WLS: variants seen among roughly 807,000 people sequenced by gnomAD.
WLS encodes the protein Wnt ligand secretion mediator.
A neutral mutation model predicts 62.8 loss-of-function variants in WLS; 23 were observed. The ratio of observed to expected loss-of-function variants is 0.37; its 90% CI spans 0.26 to 0.52. WLS has a LOEUF of 0.52. Among genes scored for constraint, WLS ranks in the 20% least tolerant of loss-of-function variants. The probability of loss-of-function intolerance (pLI) is 0.92; values close to 1 mark genes in which losing one functional copy is unlikely to be tolerated. For missense variants in WLS, 615 were observed against 697.3 expected (o/e 0.88, Z 1.33); for synonymous variants, 246 against 244.1 (o/e 1.01, Z -0.07).
chr1:68,118,644 G>C (rs2100351166), intron 11 of WLS, among the ~76,000 whole-genome samples: 1 of 151,688 alleles, frequency 6.6e-6, no homozygotes, highest in South Asian at 2.1e-4. Context: ...GGGAAGCCAA[G>C]ACGGGCAAAT....
intron 1 of WLS, among the ~76,000 whole-genome samples, chr1:68,212,341 T>C (rs1177838155): frequency 6.6e-6 from 1 of 152,244 alleles, no homozygotes. Flanking sequence ...TTATGGGTAC[T>C]TGTAAACCTT....
At chr1:68,232,535 C>A (rs1650481646), upstream of WLS, 2 of 680,850 alleles carry the variant, frequency 2.9e-6, no homozygotes, top group Non-Finnish European at 4.5e-6. Flanking sequence ...GCCGCTCCGC[C>A]GCCTGTGGAC....
intron 11 of WLS, among the ~76,000 whole-genome samples, chr1:68,127,949 C>G (rs1226875768): frequency 3.3e-5 from 5 of 152,138 alleles, no homozygotes; most frequent in Admixed American, 2.0e-4. Flanking sequence ...CATCGTAGAC[C>G]CATTTCTCTG....
intron 11 of WLS, among the ~76,000 whole-genome samples, chr1:68,115,828 T>G (rs778302938): frequency 6.6e-6 from 1 of 152,196 alleles, no homozygotes; most frequent in African/African-American, 2.4e-5. Flanking sequence ...TTTTTTGTTT[T>G]AAATTAACAA....
chr1:68,125,336 G>A, downstream of WLS: 5 of 985,402 alleles, frequency 5.1e-6, no homozygotes, highest in Non-Finnish European at 6.0e-6. Context: ...GTTCAACCTG[G>A]AAAATAATCT....
chr1:68,223,691 T>C (rs573262601), intron 1 of WLS, among the ~76,000 whole-genome samples: 5 of 152,204 alleles, frequency 3.3e-5, no homozygotes, highest in Non-Finnish European at 7.3e-5. Context: ...TATTTTATGC[T>C]TGTAGCAATC....
intron 11 of WLS, among the ~76,000 whole-genome samples, chr1:68,130,889 C>CTTTA (rs1646508890): frequency 9.9e-6 from 1 of 100,838 alleles, no homozygotes; most frequent in Non-Finnish European, 1.9e-5. Context: ...GTTTCTTCTT[C>CTTTA]TTTTTTTTTT....
At chr1:68,163,852 C>T (rs950313760) in intron 2 of WLS, among the ~76,000 whole-genome samples, 3 of 152,128 alleles carry the variant, frequency 2.0e-5, no homozygotes, top group Non-Finnish European at 2.9e-5. Flanking sequence ...GCCTCATATG[C>T]AGTAGGTGCT....
chr1:68,106,297 TGAG>T lies in WLS; in HGVS notation c.1511-7547_1511-7545del, dbSNP rs546186259. On this transcript the variant is annotated intron_variant, in intron 11 of 11. Transcript: ENST00000354777. Reference sequence around the variant, plus strand: ...GAGGGGAGTTAGCAGTGAGTGCTCTTGAGGAGATGCCGAGGCTGGGTGGGCAGA... The same window carrying T: ...GAGGGGAGTTAGCAGTGAGTGCTCTTGAGATGCCGAGGCTGGGTGGGCAGA... Among the ~76,000 whole-genome samples, 6 of 152,226 alleles carry T rather than the reference TGAG, an allele frequency of 3.9e-5. No homozygotes were observed. The South Asian group carries it at 6.2e-4, about 16-fold the overall frequency.
intron 11 of WLS, among the ~76,000 whole-genome samples, chr1:68,099,128 C>T (rs1004283417): frequency 1.1e-4 from 16 of 152,208 alleles, no homozygotes; most frequent in African/African-American, 2.9e-4. Flanking sequence ...AAGCCCAGCA[C>T]AGGCACTGGG....
chr1:68,206,280 G>T (rs534596461), intron 1 of WLS, among the ~76,000 whole-genome samples: 1 of 152,264 alleles, frequency 6.6e-6, no homozygotes, highest in South Asian at 2.1e-4. Flanking sequence ...GAAGATAAAA[G>T]GTCAAATATG....
At chr1:68,150,016 G>A (rs1646804739) in intron 6 of WLS, among the ~76,000 whole-genome samples, 172 bp downstream of exon 6, 2 of 152,172 alleles carry the variant, frequency 1.3e-5, no homozygotes, top group African/African-American at 2.4e-5. Context: ...TGGTCAGCAG[G>A]TGGTGAAGCA....
At chr1:68,177,974 T>A (rs2772302) in intron 2 of WLS, among the ~76,000 whole-genome samples, 46 of 152,320 alleles carry the variant, frequency 3.0e-4, no homozygotes, top group Middle Eastern at 3.4e-3. Flanking sequence ...GCCAAGGGTC[T>A]CATAATTTAT....
intron 1 of WLS, among the ~76,000 whole-genome samples, chr1:68,201,051 T>A (rs1648986200): frequency 6.6e-6 from 1 of 152,212 alleles, no homozygotes; most frequent in Admixed American, 6.5e-5. Flanking sequence ...GTTTAGAAAT[T>A]AGCTTTAAAT....
chr1:68,128,722 T>C (rs1646471919), intron 11 of WLS, among the ~76,000 whole-genome samples: 5 of 152,238 alleles, frequency 3.3e-5, no homozygotes, highest in South Asian at 4.1e-4. Flanking sequence ...GTCATAATGC[T>C]TAACACGTGC....
chr1:68,220,981 G>A (rs1036064), intron 1 of WLS, among the ~76,000 whole-genome samples: 66,843 of 152,052 alleles, frequency 0.44, 16,783 homozygotes, highest in Non-Finnish European at 0.59. Context: ...AGAAGTAGGT[G>A]GGGGAGGGAA....
intron 3 of WLS, among the ~76,000 whole-genome samples, chr1:68,157,762 A>G (rs998466468): frequency 1.2e-4 from 19 of 152,196 alleles, no homozygotes; most frequent in African/African-American, 3.9e-4. Context: ...CATCCTAAAG[A>G]TAATTAAGCA....
At chr1:68,164,182 A>G (rs1156980888) in intron 2 of WLS, among the ~76,000 whole-genome samples, 1 of 152,210 alleles carries the variant, frequency 6.6e-6, no homozygotes, top group Non-Finnish European at 1.5e-5. Flanking sequence ...AAAGACAAAG[A>G]CAGTAAAAAG....
At chr1:68,178,766 G>GAAATTGTATTATGTAACT (rs1335949266) in intron 2 of WLS, among the ~76,000 whole-genome samples, 20 of 151,794 alleles carry the variant, frequency 1.3e-4, no homozygotes, top group Non-Finnish European at 2.1e-4. Context: ...GATGGTTTCT[G>GAAATTGTATTATGTAACT]AAATTGTATT....
Sources: gnomAD v4.1 joint callset for allele counts (sites outside exome capture counted in the v4.1 genomes callset) on GRCh38, gnomAD v4.1.1 for gene constraint, MANE v1.5 for transcripts, NCBI Gene and HGNC (gene_info 2026-07-23, HGNC 2026-07-21) for gene names.